Variants in ZBTB20 observed in about 807,000 individuals in gnomAD.
ZBTB20 encodes zinc finger and BTB domain containing 20, also known as zinc finger and BTB domain-containing protein 20.
A neutral mutation model predicts 56.9 loss-of-function variants in ZBTB20; 9 were observed. The observed-to-expected ratio is 0.16, with a 90% CI of 0.10 to 0.28. The LOEUF (loss-of-function observed/expected upper bound fraction) is 0.28. Ranked by LOEUF, ZBTB20 falls within the 10% of genes least tolerant of loss-of-function variation. The pLI is 1.00. For synonymous variants in ZBTB20, 417 were observed against 420.7 expected, an observed-to-expected ratio of 0.99 and a Z score of 0.11; for missense variants, 655 against 1,003.0, an observed-to-expected ratio of 0.65 and a Z score of 4.69.
intron 5 of ZBTB20, among the ~76,000 whole-genome samples, chr3:114,712,648 C>A (rs2064172103): frequency 7.1e-6 from 1 of 141,250 alleles, no homozygotes. Flanking sequence ...AGTGAAACTC[C>A]ATCTCGAAAA....
intron 5 of ZBTB20, among the ~76,000 whole-genome samples, chr3:114,749,624 A>G (rs538613338): frequency 2.9e-5 from 4 of 138,562 alleles, no homozygotes; most frequent in African/African-American, 1.2e-4. Context: ...AGGAAGGAAT[A>G]AATTGGCTAT....
intron 5 of ZBTB20, among the ~76,000 whole-genome samples, chr3:114,792,817 A>ATT: frequency 6.6e-6 from 1 of 152,028 alleles, no homozygotes; most frequent in South Asian, 2.1e-4. Context: ...GGTCTTTAGA[A>ATT]AACAGTGCTA....
intron 2 of ZBTB20, among the ~76,000 whole-genome samples, chr3:115,006,459 G>GGA (rs1244322359): frequency 1.4e-5 from 2 of 141,620 alleles, no homozygotes; most frequent in East Asian, 4.0e-4. Context: ...TTATCCAGTT[G>GGA]GATATATATA....
chr3:114,795,513 T>A (rs866790317), intron 5 of ZBTB20, among the ~76,000 whole-genome samples: 5 of 152,204 alleles, frequency 3.3e-5, no homozygotes, highest in South Asian at 2.1e-4. Flanking sequence ...ATTTTGTATA[T>A]GCAGTTTCTG....
At chr3:114,568,462 A>G (rs2053048520) in intron 6 of ZBTB20, among the ~76,000 whole-genome samples, 1 of 152,218 alleles carries the variant, frequency 6.6e-6, no homozygotes, top group African/African-American at 2.4e-5. Context: ...AATGCTTAAT[A>G]CAGTAAGAGT....
intron 5 of ZBTB20, among the ~76,000 whole-genome samples, chr3:114,782,376 C>T (rs2070168329): frequency 6.6e-6 from 1 of 152,164 alleles, no homozygotes; most frequent in South Asian, 2.1e-4. Context: ...AGAGCTAAGA[C>T]TCACAGGTTC....
chr3:114,771,031 C>T (rs1269765839), intron 5 of ZBTB20, among the ~76,000 whole-genome samples: 5 of 152,134 alleles, frequency 3.3e-5, no homozygotes, highest in African/African-American at 1.2e-4. Context: ...AGGACTTTTG[C>T]AGAGATTTTA....
chr3:114,862,151 T>C (rs566609995), intron 4 of ZBTB20, among the ~76,000 whole-genome samples: 1 of 152,320 alleles, frequency 6.6e-6, no homozygotes, highest in Admixed American at 6.5e-5. Context: ...GTTCTGTACA[T>C]TTCTTTTAGC....
intron 7 of ZBTB20, among the ~76,000 whole-genome samples, chr3:114,466,804 A>G (rs2092571502): frequency 6.6e-6 from 1 of 152,256 alleles, no homozygotes; most frequent in Non-Finnish European, 1.5e-5. Context: ...TACAAAGATT[A>G]GAAGCAATAA....
chr3:114,808,910 CTTTAT>C (rs144844150), intron 4 of ZBTB20, among the ~76,000 whole-genome samples: 19,494 of 151,910 alleles, frequency 0.13, 1,534 homozygotes, highest in African/African-American at 0.22. Context: ...TTTGGGATAT[CTTTAT>C]TTTATATTTA....
intron 7 of ZBTB20, among the ~76,000 whole-genome samples, chr3:114,438,972 T>C (rs1360356388): frequency 6.6e-6 from 1 of 152,034 alleles, no homozygotes; most frequent in Non-Finnish European, 1.5e-5. Flanking sequence ...AACTCTCAGT[T>C]AACCCTGTCT....
intron 1 of ZBTB20, among the ~76,000 whole-genome samples, chr3:115,091,117 A>C (rs2083177683): frequency 6.6e-6 from 1 of 151,726 alleles, no homozygotes; most frequent in African/African-American, 2.4e-5. Flanking sequence ...AAATGAACAA[A>C]AAAGTGAAAA....
chr3:115,022,955 C>T (rs891455869), intron 2 of ZBTB20, among the ~76,000 whole-genome samples: 4 of 150,838 alleles, frequency 2.7e-5, no homozygotes, highest in Admixed American at 1.3e-4. Context: ...AAACACTGTG[C>T]GAGATGCTGA....
chr3:114,906,507 C>T (rs986464310), intron 3 of ZBTB20, among the ~76,000 whole-genome samples: 10 of 151,324 alleles, frequency 6.6e-5, no homozygotes, highest in African/African-American at 2.2e-4. Context: ...GGTAAACTTA[C>T]ATAACCATCT....
chr3:114,681,642 T>A (rs1249618383), intron 6 of ZBTB20, among the ~76,000 whole-genome samples: 1 of 152,202 alleles, frequency 6.6e-6, no homozygotes, highest in East Asian at 1.9e-4. Context: ...TATGGAGTAG[T>A]GGGAAAGATA....
intron 1 of ZBTB20, chr3:115,103,126 A>T (rs2083628834): frequency 6.6e-6 from 1 of 152,204 alleles, no homozygotes; most frequent in African/African-American, 2.4e-5. Flanking sequence ...GACTGGAGAC[A>T]ATAAGGTCTG....
At chr3:114,839,292 T>C (rs1326179262) in intron 4 of ZBTB20, among the ~76,000 whole-genome samples, 1 of 151,820 alleles carries the variant, frequency 6.6e-6, no homozygotes, top group Non-Finnish European at 1.5e-5. Context: ...TCCCAGCTAC[T>C]TGGGAGGCTG....
chr3:114,380,642 G>A, intron 9 of ZBTB20, 135 bp downstream of exon 9: 1 of 1,298,300 alleles, frequency 7.7e-7, no homozygotes, highest in Non-Finnish European at 1.0e-6. Context: ...GGACTCTGTT[G>A]GCTGCATAAA....
intron 1 of ZBTB20, among the ~76,000 whole-genome samples, chr3:115,091,781 T>C (rs527631421): frequency 6.6e-6 from 1 of 151,822 alleles, no homozygotes; most frequent in East Asian, 1.9e-4. Flanking sequence ...TGTTTAGACC[T>C]CAAATATTTG....
Sources: allele counts gnomAD v4.1 joint callset (sites outside exome capture counted in the v4.1 genomes callset), GRCh38; gene constraint gnomAD v4.1.1; transcripts MANE v1.5; gene names NCBI Gene and HGNC (gene_info 2026-07-23, HGNC 2026-07-21).